The following GPC6 variants were observed in gnomAD, a reference collection of about 807,000 sequenced individuals.
GPC6 encodes glypican 6, also known as glypican-6.
In GPC6, 14 loss-of-function variants were observed where a neutral mutation model predicts 55.2. That is an observed-to-expected ratio of 0.25 (90% CI 0.17 to 0.40). The LOEUF is 0.40. Ranked by LOEUF, GPC6 falls within the 10% of genes least tolerant of loss-of-function variation. The pLI, the probability that GPC6 is intolerant of heterozygous loss-of-function variation, is 1.00. For synonymous variants in GPC6, 278 were observed against 259.6 expected, an observed-to-expected ratio of 1.07 and a Z score of -0.68; for missense variants, 641 against 708.5, an observed-to-expected ratio of 0.90 and a Z score of 1.08.
At chr13:93,556,712 C>T (rs1183179137) in intron 2 of GPC6, among the ~76,000 whole-genome samples, 1 of 151,962 alleles carries the variant, frequency 6.6e-6, no homozygotes, top group African/African-American at 2.4e-5. Flanking sequence ...CCCGTCACTC[C>T]CCTTCCCAAC....
At chr13:93,850,130 C>T (rs544393962) in intron 3 of GPC6, among the ~76,000 whole-genome samples, 3 of 151,994 alleles carry the variant, frequency 2.0e-5, no homozygotes, top group Non-Finnish European at 4.4e-5. Flanking sequence ...AAACAAACCA[C>T]GCATGAAAAA....
At chr13:93,646,340 C>T (rs925622168) in intron 2 of GPC6, among the ~76,000 whole-genome samples, 8 of 151,980 alleles carry the variant, frequency 5.3e-5, no homozygotes, top group African/African-American at 1.7e-4. Flanking sequence ...AAAGTGAAGA[C>T]GTTTTCCATA....
Position 93,637,268 on chromosome 13 carries a change from C to T in GPC6, c.319+91847C>T, listed in dbSNP as rs116309767. Among the ~76,000 whole-genome samples the T allele has an allele frequency of 1.5e-3, 233 of 152,126 alleles. 2 individuals are homozygous for T. The highest frequency in any genetic ancestry group is 5.2e-3 in the African/African-American group (214 of 41,518). ...AGTAAACTGTTATGGCTTTTTTGAA[C>T]TTGAATGTTATTATGTGTGGCATAT... On this transcript the variant is annotated intron_variant, in intron 2 of 8. Coordinates refer to ENST00000377047, the MANE Select transcript of GPC6 (RefSeq NM_005708.5).
chr13:93,233,720 C>T (rs1351098797), intron 1 of GPC6, among the ~76,000 whole-genome samples: 2 of 152,116 alleles, frequency 1.3e-5, no homozygotes, highest in Admixed American at 6.6e-5. Context: ...GGAAGGGGCA[C>T]AAATTTCCTG....
intron 4 of GPC6, among the ~76,000 whole-genome samples, chr13:94,086,313 G>A (rs115817245): frequency 6.6e-6 from 1 of 152,098 alleles, no homozygotes; most frequent in African/African-American, 2.4e-5. Flanking sequence ...AGAGTGAAAT[G>A]GGTTCACCTT....
At chr13:93,816,682 G>T in intron 2 of GPC6, among the ~76,000 whole-genome samples, 2 of 147,950 alleles carry the variant, frequency 1.4e-5, no homozygotes, top group African/African-American at 2.5e-5. Flanking sequence ...TCCATGCCTC[G>T]GTTTCCTCAA....
intron 3 of GPC6, among the ~76,000 whole-genome samples, chr13:93,937,473 T>C (rs546547392): frequency 6.6e-6 from 1 of 152,344 alleles, no homozygotes. Context: ...TCTATATTTA[T>C]CTACAGTCAG....
intron 2 of GPC6, among the ~76,000 whole-genome samples, chr13:93,749,026 A>G (rs998659394): frequency 6.6e-6 from 1 of 152,044 alleles, no homozygotes; most frequent in Admixed American, 6.6e-5. Flanking sequence ...GTTATATAGT[A>G]CATGAGAATC....
rs1248356894 is a variant in GPC6, at chr13:93,237,530, T to C, written c.160+9914T>C. ...TTTCATTCTGTAGTTTGTTTACTCT[T>C]TTGATTATTTCCTTTGCTATGCAGA... On this transcript the variant is annotated intron_variant, in intron 1 of 8. Transcript: ENST00000377047. Among the ~76,000 whole-genome samples the C allele has an allele frequency of 3.3e-5, 5 of 152,242 alleles. No homozygotes were observed. The East Asian group carries it at 9.6e-4, about 29-fold the overall frequency.
intron 4 of GPC6, among the ~76,000 whole-genome samples, chr13:94,060,621 C>T (rs1016131028): frequency 1.3e-5 from 2 of 152,056 alleles, no homozygotes; most frequent in East Asian, 1.9e-4. Flanking sequence ...CCATTGTGTT[C>T]GAGCTTCCAG....
In GPC6 at chr13:94,401,349, G is replaced by A. The variant is rs138182920; in HGVS notation, c.1466-1666G>A. Among the ~76,000 whole-genome samples, 7 of 152,236 alleles carry A rather than the reference G, an allele frequency of 4.6e-5. No homozygotes were observed. The South Asian group carries it at 8.3e-4, about 18-fold the overall frequency. ...CACGTAAATAATACCACCTCCAAGC[G>A]GTGAAAAGTACTTTCATAAAGCTAG... On this transcript the variant is annotated intron_variant, in intron 8 of 8. Transcript: ENST00000377047.
In GPC6 at chr13:93,448,310, G is replaced by T. The variant is rs184460790; in HGVS notation, c.161-96953G>T. ...TTCAATAGAATAACATACTGCACAG[G>T]TTTGTAGCCTAAGAGCAAAAGACTA... On this transcript the variant is annotated intron_variant, in intron 1 of 8. Coordinates refer to ENST00000377047, the MANE Select transcript of GPC6 (RefSeq NM_005708.5). 9.1e-4 allele frequency among the ~76,000 whole-genome samples: 139 copies of T among 152,230 alleles called. No individual in the cohort carries two copies. In the East Asian group the frequency reaches 0.022, roughly 24 times the overall value.
At chr13:93,517,519 G>C (rs562772332) in intron 1 of GPC6, among the ~76,000 whole-genome samples, 1 of 151,908 alleles carries the variant, frequency 6.6e-6, no homozygotes. Context: ...TTTTCCATTC[G>C]CCATAATTAA....
At chr13:93,316,018 T>C (rs539810993) in intron 1 of GPC6, among the ~76,000 whole-genome samples, 4 of 152,162 alleles carry the variant, frequency 2.6e-5, no homozygotes, top group African/African-American at 9.6e-5. Context: ...TTCACAGGGG[T>C]GTTCTCCTGT....
intron 7 of GPC6, among the ~76,000 whole-genome samples, chr13:94,383,852 C>G (rs1880285845): frequency 6.6e-6 from 1 of 152,142 alleles, no homozygotes. Flanking sequence ...TGGCAGAAGA[C>G]AAAGGCGAAG....
intron 1 of GPC6, among the ~76,000 whole-genome samples, chr13:93,276,839 T>A (rs985257857): frequency 4.6e-5 from 7 of 152,170 alleles, no homozygotes; most frequent in Admixed American, 2.6e-4. Flanking sequence ...TTCTTAGATG[T>A]GTGGTTCTTG....
chr13:94,232,512 C>T (rs908495584), intron 4 of GPC6, among the ~76,000 whole-genome samples: 1 of 152,050 alleles, frequency 6.6e-6, no homozygotes, highest in Non-Finnish European at 1.5e-5. Context: ...AGCAATTGCC[C>T]CCCTTCAGGA....
intron 1 of GPC6, among the ~76,000 whole-genome samples, chr13:93,244,686 G>A (rs1032872976): frequency 6.6e-6 from 1 of 152,194 alleles, no homozygotes; most frequent in African/African-American, 2.4e-5. Context: ...TCCCCAGTGG[G>A]AATGTGTATG....
intron 1 of GPC6, among the ~76,000 whole-genome samples, chr13:93,472,333 A>G (rs1027464012): frequency 2.0e-5 from 3 of 152,158 alleles, no homozygotes; most frequent in Admixed American, 2.0e-4. Flanking sequence ...CACTCAGCTC[A>G]TGCTATTGGT....
Sources: gnomAD v4.1 joint callset for allele counts (sites outside exome capture counted in the v4.1 genomes callset) on GRCh38, gnomAD v4.1.1 for gene constraint, MANE v1.5 for transcripts, NCBI Gene and HGNC (gene_info 2026-07-23, HGNC 2026-07-21) for gene names.